Variants in PER2 observed in about 807,000 individuals in gnomAD.
PER2 encodes the protein period circadian regulator 2, also known as period circadian protein homolog 2.
In PER2, 66 loss-of-function variants were observed where a neutral mutation model predicts 121.0. The observed-to-expected ratio is 0.55, with a 90% CI of 0.45 to 0.67. PER2 has a LOEUF of 0.67. PER2 is among the 30% of genes least tolerant of loss of function. The pLI is 0.00. For synonymous variants in PER2, 684 were observed against 659.9 expected (o/e 1.04, Z -0.56); for missense variants, 1,521 against 1,635.0 (o/e 0.93, Z 1.20).
rs1018290653 is a variant in PER2 at position 238,265,493 on chromosome 2, G to A, written c.1046+19C>T. The A allele has an allele frequency of 2.0e-6, 3 of 1,521,660 alleles. No individual in the cohort carries two copies. Among genetic ancestry groups the A allele is most frequent in the Non-Finnish European group, 2.7e-6 (3 of 1,095,956 alleles). 94.3% of individuals were successfully genotyped at this position (1,521,660 alleles called of 1,614,324 possible). ...TTATATCAAAAACATGAAAAAGGGG[G>A]TGGGTCAAGACCACGTACCTTTCAT... On this transcript the variant is annotated intron_variant, in intron 9 of 22. Coordinates refer to ENST00000254657, the MANE Select transcript of PER2 (RefSeq NM_022817.3).
chr2:238,262,838 G>A (rs1335065783), intron 10 of PER2, 114 bp downstream of exon 10: 1 of 761,202 alleles, frequency 1.3e-6, no homozygotes, highest in Non-Finnish European at 2.3e-6. Context: ...TCTACCACCT[G>A]CTTGTCCTTA....
At chr2:238,273,342 G>A (rs905663343) in intron 4 of PER2, 151 bp from the exon 5 acceptor site, 3 of 806,504 alleles carry the variant, frequency 3.7e-6, no homozygotes, top group African/African-American at 1.7e-5. Context: ...ATACGGAAAC[G>A]TGAAGGCAAA....
intron 11 of PER2, 89 bp downstream of exon 11, chr2:238,262,102 T>A: frequency 7.7e-7 from 1 of 1,296,244 alleles, no homozygotes; most frequent in Non-Finnish European, 1.1e-6. Context: ...TCTCAGCCCC[T>A]CCCTATGCCA....
chr2:238,258,244 C>A lies in PER2; in HGVS notation c.1900+32G>T, dbSNP rs769659807. 3 of 1,612,020 alleles carry A rather than the reference C, an allele frequency of 1.9e-6. No individual in the cohort carries two copies. The Admixed American group carries it at 5.0e-5, about 27-fold the overall frequency. On this transcript the variant is annotated intron_variant, in intron 16 of 22. Coordinates refer to ENST00000254657, the MANE Select transcript of PER2 (RefSeq NM_022817.3). ...CTACTCCAGAGGATTTACATTATTTCACATGTACATGGCTCTACACAGATT... is the reference window on the plus strand; with the variant it reads ...CTACTCCAGAGGATTTACATTATTTAACATGTACATGGCTCTACACAGATT...
In PER2 at chr2:238,253,775, T is replaced by C; in HGVS notation, c.2321-73A>G. On this transcript the variant is annotated intron_variant, in intron 18 of 22. Transcript: ENST00000254657. The surrounding 1 kb of genome is among the most constrained non-coding windows in gnomAD (Gnocchi z 5.6). ...TTGAAGACACCTCTTCGTTCAACAG[T>C]CCTGGGTTTCCAAATGCTGGCCCAG... 1.7e-6 allele frequency: 2 copies of C among 1,206,596 alleles called. No homozygotes were observed. Among genetic ancestry groups the C allele is most frequent in the Non-Finnish European group, 2.4e-6 (2 of 845,672 alleles). The allele number at this position is 1,206,596 out of a possible 1,614,324, so 74.7% of individuals were successfully genotyped here.
At position 238,288,350 on chromosome 2, in the gene PER2, T is replaced by C. The variant is rs1696852839; in HGVS notation, c.-21A>G. 6.6e-6 allele frequency: 1 copy of C among 152,170 alleles called. No individual in the cohort carries two copies. The highest frequency in any genetic ancestry group is 6.5e-5 in the Admixed American group (1 of 15,286). 9.4% of individuals were successfully genotyped at this position (152,170 alleles called of 1,614,324 possible). A position where few individuals can be genotyped will look rare whatever the true frequency, so the allele number is the denominator to read the frequency against. ...GGTGCCCTACACACGCTGCCTCACC[T>C]TTCGGACCTCAGGCTCCTGAGCTGC... On this transcript the variant is annotated splice_region_variant and 5_prime_UTR_variant, in exon 1 of 23. Coordinates refer to ENST00000254657, the MANE Select transcript of PER2 (RefSeq NM_022817.3).
At chr2:238,262,598 G>A (rs1306111427) in intron 10 of PER2, among the ~76,000 whole-genome samples, 3 of 152,148 alleles carry the variant, frequency 2.0e-5, no homozygotes, top group Non-Finnish European at 2.9e-5. Context: ...TGGGCTTGGT[G>A]AGGACATGCA....
intron 6 of PER2, among the ~76,000 whole-genome samples, chr2:238,270,135 G>A (rs1696239205): frequency 6.6e-6 from 1 of 152,216 alleles, no homozygotes; most frequent in South Asian, 2.1e-4. Flanking sequence ...CCTCTCAGCT[G>A]CCTCAGACTT....
chr2:238,260,697 T>G (rs1169538611), intron 13 of PER2, 131 bp downstream of exon 13: 1 of 1,007,014 alleles, frequency 9.9e-7, no homozygotes, highest in Non-Finnish European at 1.5e-6. Flanking sequence ...GGACAAAGTT[T>G]AGAAAGGAAG....
upstream of PER2, chr2:238,289,511 G>A (rs188273297): frequency 1.3e-5 from 2 of 152,370 alleles, no homozygotes; most frequent in South Asian, 2.1e-4. Context: ...CTCTGGGGAG[G>A]TACAAAAGAA....
intron 3 of PER2, 83 bp downstream of exon 3, chr2:238,277,048 G>A (rs1372672406): frequency 4.7e-6 from 5 of 1,054,850 alleles, no homozygotes; most frequent in African/African-American, 3.1e-5. Flanking sequence ...AAAAAGCCAC[G>A]TCACTCCCAG....
chr2:238,253,227 C>A lies in PER2; in HGVS notation c.2796G>T (p.Pro932=). Residue 932 remains proline (P), a synonymous_variant, in exon 19 of 23, where the codon CCG becomes CCT. Coordinates refer to ENST00000254657, the MANE Select transcript of PER2 (RefSeq NM_022817.3). This position sits in a 1 kb window ranked among gnomAD's most constrained non-coding sequence, Gnocchi z 5.6. ...TCTCGGATGTGAGTGTGGGGTGGCT[C>A]GGAAACTGAGGCTGGCTGGGGAAGA... is the stretch of plus-strand genomic sequence containing the variant. ...QAFFPSQPQF[P]SHPTLTSEMA... 6.3e-7 allele frequency: 1 copy of A among 1,599,484 alleles called. No homozygotes were observed. Among genetic ancestry groups the A allele is most frequent in the Non-Finnish European group, 8.5e-7 (1 of 1,171,102 alleles).
chr2:238,290,577 T>C (rs955587173), upstream of PER2, among the ~76,000 whole-genome samples: 3 of 152,326 alleles, frequency 2.0e-5, no homozygotes, highest in Middle Eastern at 3.4e-3. Context: ...AGAAATATAT[T>C]GAAATCAATT....
At chr2:238,276,156 G>A (rs1386056178) in intron 3 of PER2, among the ~76,000 whole-genome samples, 1 of 150,934 alleles carries the variant, frequency 6.6e-6, no homozygotes, top group Non-Finnish European at 1.5e-5. Flanking sequence ...GTGGGGCTCT[G>A]TAGATTTTCT....
chr2:238,296,668 C>T, the PER2 span, among the ~76,000 whole-genome samples: 1 of 4,820 alleles, frequency 2.1e-4, no homozygotes, highest in Non-Finnish European at 4.9e-4. Flanking sequence ...CAGAGTCAGT[C>T]GTGTGCCCTC....
chr2:238,286,807 G>A (rs1247732037), intron 1 of PER2, among the ~76,000 whole-genome samples: 1 of 152,244 alleles, frequency 6.6e-6, no homozygotes, highest in Non-Finnish European at 1.5e-5. Context: ...ACAGCAGTGT[G>A]ACTACCAGTA....
chr2:238,295,936 G>T, the PER2 span: 10 of 229,612 alleles, frequency 4.4e-5, no homozygotes, highest in African/African-American at 2.1e-4. Context: ...TGGTTTGTTT[G>T]CATGATGAGG....
chr2:238,294,617 G>A (rs1413913252), upstream of PER2, among the ~76,000 whole-genome samples: 1 of 152,156 alleles, frequency 6.6e-6, no homozygotes, highest in Non-Finnish European at 1.5e-5. Flanking sequence ...GCATTCCATT[G>A]TCCCTTTGCA....
chr2:238,287,595 A>G (rs1696825975), intron 1 of PER2, among the ~76,000 whole-genome samples: 1 of 152,212 alleles, frequency 6.6e-6, no homozygotes, highest in Non-Finnish European at 1.5e-5. Context: ...GGAGGCCATC[A>G]CTGAACCTCT....
Sources: allele counts gnomAD v4.1 joint callset (sites outside exome capture counted in the v4.1 genomes callset), GRCh38; gene constraint gnomAD v4.1.1; non-coding constraint Gnocchi (gnomAD v3.1); transcripts MANE v1.5; gene names NCBI Gene and HGNC (gene_info 2026-07-23, HGNC 2026-07-21).